The following GRM7 variants were observed in gnomAD, a reference collection of about 807,000 sequenced individuals.
GRM7 encodes glutamate metabotropic receptor 7, also known as metabotropic glutamate receptor 7.
Under a neutral mutation model 84.5 loss-of-function variants are expected in GRM7, and 35 were observed. The ratio of observed to expected loss-of-function variants is 0.41; its 90% CI spans 0.32 to 0.55. The LOEUF (loss-of-function observed/expected upper bound fraction) is 0.55, where lower values mean the gene tolerates loss of function less well. Among genes scored for constraint, GRM7 ranks in the 20% least tolerant of loss-of-function variants. GRM7 has a pLI of 0.19. For synonymous variants in GRM7, 487 were observed against 455.1 expected (o/e 1.07, Z -0.89); for missense variants, 1,003 against 1,194.6 (o/e 0.84, Z 2.36).
At position 7,572,635 on chromosome 3, in the gene GRM7, C is replaced by T. The variant is rs1439897186; in HGVS notation, c.1516-5787C>T. 3.3e-5 allele frequency among the ~76,000 whole-genome samples: 5 copies of T among 150,840 alleles called. No individual in the cohort carries two copies. The South Asian group carries it at 8.4e-4, about 25-fold the overall frequency. On this transcript the variant is annotated intron_variant, in intron 7 of 9. Coordinates refer to ENST00000357716, the MANE Select transcript of GRM7 (RefSeq NM_000844.4). ...GAGATCGAGATTATCCTGGCTAACA[C>T]CGTGAAACCCCATCTCTACAAAAAA... is the stretch of plus-strand genomic sequence containing the variant.
chr3:7,207,707 T>G (rs1696285527), intron 2 of GRM7, among the ~76,000 whole-genome samples: 1 of 152,178 alleles, frequency 6.6e-6, no homozygotes, highest in South Asian at 2.1e-4. Flanking sequence ...GGACACTAAT[T>G]GTGTAGGATG....
intron 5 of GRM7, among the ~76,000 whole-genome samples, chr3:7,448,296 C>T (rs1374914098): frequency 6.6e-6 from 1 of 151,822 alleles, no homozygotes; most frequent in Non-Finnish European, 1.5e-5. Flanking sequence ...AATGGTATTT[C>T]TAGTTCTAGA....
At chr3:7,494,904 G>T (rs574734553) in intron 7 of GRM7, among the ~76,000 whole-genome samples, 14 of 152,210 alleles carry the variant, frequency 9.2e-5, no homozygotes, top group African/African-American at 2.2e-4. Context: ...TAAAACCTTG[G>T]TCAAATAATT....
chr3:7,358,836 G>A (rs1010704136), intron 4 of GRM7, among the ~76,000 whole-genome samples: 2 of 152,062 alleles, frequency 1.3e-5, no homozygotes, highest in African/African-American at 4.8e-5. Context: ...AGAATTTCCT[G>A]GACGGGCACA....
chr3:7,177,835 C>T (rs1695206008), intron 2 of GRM7, among the ~76,000 whole-genome samples: 1 of 152,112 alleles, frequency 6.6e-6, no homozygotes, highest in African/African-American at 2.4e-5. Flanking sequence ...TAATTAAGAC[C>T]TCAAGTCTGA....
intron 7 of GRM7, among the ~76,000 whole-genome samples, chr3:7,553,317 T>G (rs924845966): frequency 2.0e-5 from 3 of 152,170 alleles, no homozygotes; most frequent in African/African-American, 4.8e-5. Flanking sequence ...ATTCAACAAG[T>G]CTCTAGGAAG....
chr3:7,460,669 A>G (rs1698209493), intron 6 of GRM7, among the ~76,000 whole-genome samples: 1 of 152,196 alleles, frequency 6.6e-6, no homozygotes, highest in African/African-American at 2.4e-5. Context: ...CATGAAATAA[A>G]CAGAACTCAG....
chr3:7,619,558 C>T (rs926465803), intron 8 of GRM7, among the ~76,000 whole-genome samples: 10 of 152,028 alleles, frequency 6.6e-5, no homozygotes, highest in Admixed American at 6.6e-4. Flanking sequence ...TTAGAGGTGA[C>T]TTCAAAAGCT....
At chr3:7,732,487 T>G (rs1702365962) in intron 9 of GRM7, among the ~76,000 whole-genome samples, 1 of 151,848 alleles carries the variant, frequency 6.6e-6, no homozygotes, top group Non-Finnish European at 1.5e-5. Context: ...TTGGAGCAAG[T>G]GACTAGAAAC....
At chr3:6,986,206 A>G (rs888641281) in intron 1 of GRM7, among the ~76,000 whole-genome samples, 8 of 152,194 alleles carry the variant, frequency 5.3e-5, no homozygotes, top group Non-Finnish European at 1.2e-4. Context: ...TACCACAAAA[A>G]CAAAAATAAA....
intron 7 of GRM7, among the ~76,000 whole-genome samples, chr3:7,491,488 C>G (rs1040524793): frequency 2.6e-4 from 39 of 151,970 alleles, no homozygotes; most frequent in African/African-American, 8.5e-4. Context: ...TTGTAATTTG[C>G]ATAAAATATT....
At chr3:6,967,436 C>T (rs754210383) in intron 1 of GRM7, among the ~76,000 whole-genome samples, 8 of 152,136 alleles carry the variant, frequency 5.3e-5, no homozygotes, top group South Asian at 2.1e-4. Flanking sequence ...CTCAAATGAT[C>T]GGCTCACTTT....
chr3:7,231,845 A>G lies in GRM7; in HGVS notation c.737-66839A>G, dbSNP rs200922549. On this transcript the variant is annotated intron_variant, in intron 2 of 9. Coordinates refer to ENST00000357716, the MANE Select transcript of GRM7 (RefSeq NM_000844.4). ...GTGTCCCCTTACTGCCCTCCAGCTG[A>G]TCAGTATTTCATTTCAACATTTATC... 2.6e-5 allele frequency among the ~76,000 whole-genome samples: 4 copies of G among 152,294 alleles called. No individual in the cohort carries two copies. In the East Asian group the frequency reaches 7.7e-4, roughly 29 times the overall value.
At chr3:7,587,005 A>G (rs1247351550) in intron 8 of GRM7, among the ~76,000 whole-genome samples, 1 of 152,246 alleles carries the variant, frequency 6.6e-6, no homozygotes, top group Non-Finnish European at 1.5e-5. Flanking sequence ...CTGAAGAATT[A>G]CAACGAGGCA....
At chr3:7,439,187 T>C (rs1461617965) in intron 5 of GRM7, among the ~76,000 whole-genome samples, 3 of 152,174 alleles carry the variant, frequency 2.0e-5, no homozygotes, top group Non-Finnish European at 4.4e-5. Context: ...CTGTACATCT[T>C]GTGAGCAGAG....
intron 1 of GRM7, among the ~76,000 whole-genome samples, chr3:6,974,625 G>C (rs1693915775): frequency 6.6e-6 from 1 of 152,138 alleles, no homozygotes; most frequent in Non-Finnish European, 1.5e-5. Flanking sequence ...AGGTGCATGA[G>C]ATGTTTCAAG....
chr3:7,135,852 A>AT (rs1231798503), intron 1 of GRM7, among the ~76,000 whole-genome samples: 1 of 152,100 alleles, frequency 6.6e-6, no homozygotes, highest in Non-Finnish European at 1.5e-5. Flanking sequence ...TTAGAAATTT[A>AT]TTTTTATGAG....
intron 2 of GRM7, among the ~76,000 whole-genome samples, chr3:7,203,695 A>G (rs1696141063): frequency 6.6e-6 from 1 of 152,184 alleles, no homozygotes; most frequent in Non-Finnish European, 1.5e-5. Context: ...TGGTTGCACT[A>G]ACTTATATTC....
chr3:7,332,045 G>T (rs981774880), intron 4 of GRM7, among the ~76,000 whole-genome samples: 6 of 152,128 alleles, frequency 3.9e-5, no homozygotes, highest in Admixed American at 6.6e-5. Context: ...TATTTTATAG[G>T]TGTATACAAG....
Sources: allele counts gnomAD v4.1 joint callset (sites outside exome capture counted in the v4.1 genomes callset), GRCh38; gene constraint gnomAD v4.1.1; transcripts MANE v1.5; gene names NCBI Gene and HGNC (gene_info 2026-07-23, HGNC 2026-07-21).